Variants in RAF1 observed in about 807,000 individuals in gnomAD.
RAF1 encodes the protein RAF proto-oncogene serine/threonine-protein kinase.
Under a neutral mutation model 81.1 loss-of-function variants are expected in RAF1, and 27 were observed. That is an observed-to-expected ratio of 0.33 (90% confidence interval 0.25 to 0.46). RAF1 has a LOEUF of 0.46. Among genes scored for constraint, RAF1 ranks in the 20% least tolerant of loss-of-function variants. The pLI is 1.00. For synonymous variants in RAF1, 298 were observed against 294.0 expected, an observed-to-expected ratio of 1.01 and a Z score of -0.14; for missense variants, 598 against 826.0, an observed-to-expected ratio of 0.72 and a Z score of 3.38.
intron 3 of RAF1, among the ~76,000 whole-genome samples, chr3:12,610,987 T>G (rs889312174): frequency 3.3e-5 from 5 of 152,024 alleles, no homozygotes; most frequent in African/African-American, 9.7e-5. Context: ...CAGCAGGGAT[T>G]AGTACACATT....
chr3:12,600,405 C>A lies in RAF1; in HGVS notation c.905G>T (p.Arg302Leu). 6.2e-7 allele frequency: 1 copy of A among 1,614,112 alleles called. No homozygotes were observed. The highest frequency in any genetic ancestry group is 8.5e-7 in the Non-Finnish European group (1 of 1,180,014). ...AAAAGTACCTGATTCGCTGTGACTTCGAATTGCATCCTGAAACAGAAAAGG... is the reference window on the plus strand; with the variant it reads ...AAAAGTACCTGATTCGCTGTGACTTAGAATTGCATCCTGAAACAGAAAAGG... The change falls in exon 9 of 18, where the codon CGA becomes CTA. Residue 302 changes from arginine to leucine, a missense_variant. This residue lies in a region of RAF1 where 194 missense variants were observed against 202.7 expected (regional missense o/e 0.96). Transcript: ENST00000442415.
At chr3:12,641,490 G>GTTTTT (rs747472648) in intron 1 of RAF1, among the ~76,000 whole-genome samples, 2 of 134,612 alleles carry the variant, frequency 1.5e-5, no homozygotes, top group African/African-American at 2.7e-5. Flanking sequence ...ATGTTTTTTG[G>GTTTTT]TTTTTTTTTT....
chr3:12,616,982 T>C (rs1317075096), intron 2 of RAF1, among the ~76,000 whole-genome samples: 1 of 152,208 alleles, frequency 6.6e-6, no homozygotes, highest in Non-Finnish European at 1.5e-5. Context: ...TCACCCAGGC[T>C]GGGGTGAAGT....
At chr3:12,643,514 G>A (rs1363380020) in intron 1 of RAF1, among the ~76,000 whole-genome samples, 8 of 152,162 alleles carry the variant, frequency 5.3e-5, no homozygotes, top group African/African-American at 1.9e-4. Context: ...GCTGGGGTGG[G>A]TGGATCACCT....
intron 1 of RAF1, among the ~76,000 whole-genome samples, chr3:12,633,768 T>C (rs545695156): frequency 6.6e-6 from 1 of 151,712 alleles, no homozygotes; most frequent in South Asian, 2.1e-4. Context: ...ACCCTGTCTC[T>C]ACTAAAAAAT....
chr3:12,629,672 G>A (rs2059806822), intron 1 of RAF1, among the ~76,000 whole-genome samples: 1 of 152,220 alleles, frequency 6.6e-6, no homozygotes, highest in South Asian at 2.1e-4. Flanking sequence ...ATTCATGGGA[G>A]AGGCGGTTCC....
chr3:12,617,886 AAAAAAAG>A (rs1264968386), intron 2 of RAF1, among the ~76,000 whole-genome samples: 6 of 148,534 alleles, frequency 4.0e-5, no homozygotes, highest in South Asian at 2.1e-4. Flanking sequence ...CTCAAAAAAA[AAAAAAAG>A]AAAAGAAAAA....
intron 1 of RAF1, among the ~76,000 whole-genome samples, chr3:12,651,154 C>T (rs184884610): frequency 4.5e-4 from 69 of 152,280 alleles, no homozygotes; most frequent in Admixed American, 4.5e-3. Flanking sequence ...GTTTACCCTG[C>T]TTTTTTTCTA....
chr3:12,626,520 G>A (rs897685389), intron 1 of RAF1, among the ~76,000 whole-genome samples: 2 of 151,328 alleles, frequency 1.3e-5, no homozygotes, highest in South Asian at 2.1e-4. Context: ...GAGCAAAGGA[G>A]GTCGAAGCTG....
At chr3:12,649,447 A>C (rs2060452579) in intron 1 of RAF1, among the ~76,000 whole-genome samples, 1 of 152,036 alleles carries the variant, frequency 6.6e-6, no homozygotes, top group Non-Finnish European at 1.5e-5. Context: ...AAATAAAACA[A>C]AATTAGCTGG....
intron 11 of RAF1, among the ~76,000 whole-genome samples, chr3:12,598,537 A>C (rs1202088080): frequency 6.6e-6 from 1 of 152,018 alleles, no homozygotes; most frequent in Non-Finnish European, 1.5e-5. Flanking sequence ...GTTGGAGACC[A>C]GCCTGGGCAA....
intron 11 of RAF1, among the ~76,000 whole-genome samples, chr3:12,595,005 C>A (rs2058641831): frequency 6.6e-6 from 1 of 152,236 alleles, no homozygotes; most frequent in Non-Finnish European, 1.5e-5. Flanking sequence ...TTCATTCAGT[C>A]TGCTAGGATC....
chr3:12,600,687 G>A lies in RAF1; in HGVS notation c.895-272C>T, dbSNP rs565177911. On this transcript the variant is annotated intron_variant, in intron 8 of 17. Coordinates refer to ENST00000442415, the MANE Select transcript of RAF1 (RefSeq NM_001354689.3). Reference sequence around the variant, plus strand: ...AGCAATTCTCCTGCCTCAGTCTCCCGAGTAGCTGGGATTACAGGTGTGCAC... The same window carrying A: ...AGCAATTCTCCTGCCTCAGTCTCCCAAGTAGCTGGGATTACAGGTGTGCAC... Among the ~76,000 whole-genome samples, 51 of 152,198 alleles carry A rather than the reference G, an allele frequency of 3.4e-4. 1 individual carries two copies. Among genetic ancestry groups the A allele is most frequent in the South Asian group, 6.2e-4 (3 of 4,816 alleles).
In RAF1 at chr3:12,583,739, C is replaced by T. The variant is rs1292093812; in HGVS notation, c.*775G>A. 4 of 233,400 alleles carry T rather than the reference C, an allele frequency of 1.7e-5. No individual in the cohort carries two copies. The highest frequency in any genetic ancestry group is 6.6e-5 in the African/African-American group (3 of 45,270). The allele number at this position is 233,400 out of a possible 1,614,324, so 14.5% of individuals were successfully genotyped here. A position where few individuals can be genotyped will look rare whatever the true frequency, so the allele number is the denominator to read the frequency against. On this transcript the variant is annotated 3_prime_UTR_variant, in exon 18 of 18. Transcript: ENST00000442415. ...CCTGTATTCCTGGCTTCCTTGTATA[C>T]ACATGATGTGACTAGAGAAACAAGG...
At position 12,629,831 on chromosome 3, in the gene RAF1, G is replaced by A. The variant is rs140790932; in HGVS notation, c.-26-11084C>T. 3.0e-3 allele frequency among the ~76,000 whole-genome samples: 463 copies of A among 152,310 alleles called. 3 individuals carry two copies. The highest frequency in any genetic ancestry group is 4.0e-3 in the Non-Finnish European group (271 of 68,022). On this transcript the variant is annotated intron_variant, in intron 1 of 17. Coordinates refer to ENST00000442415, the MANE Select transcript of RAF1 (RefSeq NM_001354689.3). The stretch of plus-strand genomic sequence containing the variant: ...TGACCGGTCTGGGTCTGTTGCCCAG[G>A]TTGGAGTGCAGTGGCATGATCATGG...
At chr3:12,656,024 T>A (rs1244252175) in intron 1 of RAF1, among the ~76,000 whole-genome samples, 1 of 150,916 alleles carries the variant, frequency 6.6e-6, no homozygotes, top group Non-Finnish European at 1.5e-5. Context: ...TTGTGAATGT[T>A]GTTAAATGTC....
chr3:12,663,831 C>T lies in RAF1; in HGVS notation c.-45G>A, dbSNP rs2060963467. ...CACCTACCTGAGGGAGCCAGGCCGC[C>T]CCAACGTCCTGTCGTTCGGCGGCAG... On this transcript the variant is annotated 5_prime_UTR_variant, in exon 1 of 18. Coordinates refer to ENST00000442415, the MANE Select transcript of RAF1 (RefSeq NM_001354689.3). 2 of 397,626 alleles carry T rather than the reference C, an allele frequency of 5.0e-6. No homozygotes were observed. Among genetic ancestry groups the T allele is most frequent in the African/African-American group, 4.1e-5 (2 of 48,596 alleles). The allele number at this position is 397,626 out of a possible 1,614,324, so 24.6% of individuals were successfully genotyped here.
At chr3:12,632,673 G>C (rs13099808) in intron 1 of RAF1, among the ~76,000 whole-genome samples, 115 of 152,116 alleles carry the variant, frequency 7.6e-4, no homozygotes, top group Admixed American at 1.6e-3. Context: ...CCTAGTTCCC[G>C]AAGAGCTCTC....
At chr3:12,655,985 A>C (rs1042367148) in intron 1 of RAF1, among the ~76,000 whole-genome samples, 1 of 151,588 alleles carries the variant, frequency 6.6e-6, no homozygotes, top group Non-Finnish European at 1.5e-5. Flanking sequence ...AAGGTTCTGG[A>C]AACGAGTAGT....
Sources: gnomAD v4.1 joint callset for allele counts (sites outside exome capture counted in the v4.1 genomes callset) on GRCh38, gnomAD v4.1.1 for gene constraint, gnomAD v4.1.1 regional missense constraint, MANE v1.5 for transcripts, NCBI Gene and HGNC (gene_info 2026-07-23, HGNC 2026-07-21) for gene names.